Variants in KCNN4 observed in about 807,000 individuals in gnomAD.
KCNN4 encodes potassium calcium-activated channel subfamily N member 4.
Under a neutral mutation model 45.2 loss-of-function variants are expected in KCNN4, and 31 were observed. The ratio of observed to expected loss-of-function variants is 0.69; its 90% CI spans 0.52 to 0.92. The LOEUF is 0.92. KCNN4 is among the 40% of genes least tolerant of loss of function. The probability of loss-of-function intolerance (pLI) is 0.00; values close to 1 mark genes in which losing one functional copy is unlikely to be tolerated. For synonymous variants in KCNN4, 231 were observed against 254.6 expected (o/e 0.91, Z 0.88); for missense variants, 463 against 574.0 (o/e 0.81, Z 1.98).
At position 43,776,567 on chromosome 19, in the gene KCNN4, C is replaced by T. The variant is rs78552213; in HGVS notation, c.229G>A (p.Val77Met). Residue 77 changes from valine (V) to methionine (M), a missense_variant, in exon 2 of 9, where the codon GTG becomes ATG. Val to Met is a conservative substitution (Grantham distance 21). Around this residue, in one of 3 missense-constraint regions of KCNN4, gnomAD observed 225 missense variants for 240.9 expected, o/e 0.93. Coordinates refer to ENST00000648319, the MANE Select transcript of KCNN4 (RefSeq NM_002250.3). ...TGGACCTCTTTGGCATGAAAGGCCA[C>T]GATGAGGCAGAGGAGTAAGAAGGTG... Reference protein sequence around the residue: ...ISTFLLLCLIVAFHAKEVQLF... With the variant: ...ISTFLLLCLIMAFHAKEVQLF... 6.3e-4 allele frequency: 1,013 copies of T among 1,613,644 alleles called. 8 individuals carry two copies. In the African/African-American group the frequency reaches 0.012, roughly 19 times the overall value.
At chr19:43,776,500 G>A (rs199991112) in intron 2 of KCNN4, 41 bp downstream of exon 2, 6 of 1,332,946 alleles carry the variant, frequency 4.5e-6, no homozygotes, top group South Asian at 1.2e-5. Flanking sequence ...GGCGCTGAGG[G>A]GGTTGGAGGG....
chr19:43,768,490 C>T (rs530686314), intron 7 of KCNN4, among the ~76,000 whole-genome samples: 47 of 152,326 alleles, frequency 3.1e-4, no homozygotes, highest in Non-Finnish European at 4.4e-4. Flanking sequence ...CTTGCATGGA[C>T]GTCCCTGTTG....
At chr19:43,767,283 G>T in intron 8 of KCNN4, 194 bp from the exon 9 acceptor site, 1 of 490,810 alleles carries the variant, frequency 2.0e-6, no homozygotes, top group South Asian at 2.8e-5. Context: ...ATGTGCCCAG[G>T]ACAGGCAGAG....
At chr19:43,770,066 A>C (rs1328436587) in intron 4 of KCNN4, among the ~76,000 whole-genome samples, 1 of 152,158 alleles carries the variant, frequency 6.6e-6, no homozygotes, top group East Asian at 1.9e-4. Context: ...TCTTGAATGA[A>C]GGATAGGATT....
In KCNN4 at chr19:43,768,975, C is replaced by T. The variant is rs763848287; in HGVS notation, c.1107G>A (p.Val369=). Residue 369 remains valine (V), a synonymous_variant, in exon 7 of 9, where the codon GTG becomes GTA. Coordinates refer to ENST00000648319, the MANE Select transcript of KCNN4 (RefSeq NM_002250.3). ...RKLREQVNSM[V]DISKMHMILY... ...GGGATCCTAGTACCTTGGAGATGTC[C>T]ACCATGGAGTTCACTTGTTCCCGGA... 2 of 1,614,174 alleles carry T rather than the reference C, an allele frequency of 1.2e-6. No homozygotes were observed. Among genetic ancestry groups the T allele is most frequent in the Non-Finnish European group, 8.5e-7 (1 of 1,180,030 alleles).
chr19:43,774,676 C>CGCAGGTCA lies in KCNN4; in HGVS notation c.256-58_256-57insTGACCTGC. The CGCAGGTCA allele has an allele frequency of 7.1e-7, 1 of 1,405,168 alleles. No individual in the cohort carries two copies. The highest frequency in any genetic ancestry group is 9.3e-7 in the Non-Finnish European group (1 of 1,079,508). The allele number at this position is 1,405,168 out of a possible 1,614,324, so 87.0% of individuals were successfully genotyped here. ...AGGAGCAGGTCAGGCGCAGGTCAGG[C>CGCAGGTCA]GGCGGCCCGCGCCTGCCTGCGCCCT... is the stretch of plus-strand genomic sequence containing the variant. On this transcript the variant is annotated intron_variant, in intron 2 of 8. Coordinates refer to ENST00000648319, the MANE Select transcript of KCNN4 (RefSeq NM_002250.3). The surrounding 1 kb of genome is among the most constrained non-coding windows in gnomAD (Gnocchi z 5.6).
intron 3 of KCNN4, among the ~76,000 whole-genome samples, chr19:43,773,573 T>G (rs1483133529): frequency 6.6e-6 from 1 of 152,174 alleles, no homozygotes; most frequent in Non-Finnish European, 1.5e-5. Flanking sequence ...AGTTCCCAGG[T>G]GATGCTGCTG....
chr19:43,771,796 C>A (rs1969651369), intron 4 of KCNN4, among the ~76,000 whole-genome samples: 1 of 152,140 alleles, frequency 6.6e-6, no homozygotes, highest in African/African-American at 2.4e-5. Context: ...AGTGATCCTC[C>A]CACCTTGGCC....
chr19:43,776,879 C>T, intron 1 of KCNN4: 1 of 446,320 alleles, frequency 2.2e-6, no homozygotes, highest in Non-Finnish European at 4.1e-6. Flanking sequence ...AGGTGGATCA[C>T]CGAAGGTCGG....
At chr19:43,771,386 G>A (rs1217637624) in intron 4 of KCNN4, among the ~76,000 whole-genome samples, 1 of 152,140 alleles carries the variant, frequency 6.6e-6, no homozygotes, top group East Asian at 1.9e-4. Flanking sequence ...CCCATGAGGA[G>A]CATCAGCATC....
chr19:43,769,162 A>ACT lies in KCNN4; in HGVS notation c.1050-131_1050-130insAG. ...AAGAAACAAAGTTGTCGAAGAGCTG[A>ACT]AAGAGTGGGAGGGGATGCACCCTGC... On this transcript the variant is annotated intron_variant, in intron 6 of 8. Coordinates refer to ENST00000648319, the MANE Select transcript of KCNN4 (RefSeq NM_002250.3). This position sits in a 1 kb window ranked among gnomAD's most constrained non-coding sequence, Gnocchi z 4.4. The ACT allele has an allele frequency of 9.5e-7, 1 of 1,052,668 alleles. No individual in the cohort carries two copies. The highest frequency in any genetic ancestry group is 1.9e-5 in the Admixed American group (1 of 51,558). The allele number at this position is 1,052,668 out of a possible 1,614,324, so 65.2% of individuals were successfully genotyped here.
rs1343012227 is a variant in KCNN4 at position 43,769,248 on chromosome 19, G to A, written c.1049+194C>T. The stretch of plus-strand genomic sequence containing the variant: ...GTACCCAGGTCCGCAGACACACCGA[G>A]ATATGCGGAGACAAACCAGCACAGA... On this transcript the variant is annotated intron_variant, in intron 6 of 8. Transcript: ENST00000648319. The surrounding 1 kb of genome is among the most constrained non-coding windows in gnomAD (Gnocchi z 4.4). 5 of 669,112 alleles carry A rather than the reference G, an allele frequency of 7.5e-6. No homozygotes were observed. The Admixed American group carries it at 9.9e-5, about 13-fold the overall frequency. 41.4% of individuals were successfully genotyped at this position (669,112 alleles called of 1,614,324 possible).
chr19:43,773,146 A>G (rs117947250), intron 3 of KCNN4, among the ~76,000 whole-genome samples: 923 of 152,292 alleles, frequency 6.1e-3, no homozygotes, highest in Non-Finnish European at 8.1e-3. Flanking sequence ...AAAATACAAA[A>G]ACTAGTCAGG....
intron 2 of KCNN4, among the ~76,000 whole-genome samples, chr19:43,775,046 C>T (rs1053217366): frequency 2.6e-5 from 4 of 152,216 alleles, no homozygotes; most frequent in Admixed American, 2.0e-4. Flanking sequence ...AAGCCATGGG[C>T]CGGGCGCGAT....
intron 7 of KCNN4, 115 bp from the exon 8 acceptor site, chr19:43,767,822 C>G (rs1048066451): frequency 7.8e-7 from 1 of 1,276,794 alleles, no homozygotes; most frequent in Admixed American, 1.9e-5. Context: ...CTGAGGATTA[C>G]CCTCGACAAT....
intron 2 of KCNN4, among the ~76,000 whole-genome samples, chr19:43,776,217 A>G (rs189502249): frequency 1.9e-4 from 28 of 146,890 alleles, no homozygotes; most frequent in Admixed American, 1.2e-3. Flanking sequence ...GCCATGTCGG[A>G]GCACAGAGAT....
chr19:43,767,501 C>A, intron 8 of KCNN4, 39 bp downstream of exon 8: 1 of 1,598,592 alleles, frequency 6.3e-7, no homozygotes, highest in Admixed American at 1.7e-5. Context: ...GGAACCCTTC[C>A]TCCAGGATGC....
chr19:43,777,970 C>T (rs1419807618), intron 1 of KCNN4, among the ~76,000 whole-genome samples: 2 of 152,186 alleles, frequency 1.3e-5, no homozygotes, highest in Non-Finnish European at 2.9e-5. Flanking sequence ...AACAATAGTG[C>T]TGTTGTCACC....
In KCNN4 at chr19:43,772,482, G is replaced by T. The variant is rs1365178113; in HGVS notation, c.684-347C>A. On this transcript the variant is annotated intron_variant, in intron 3 of 8. Coordinates refer to ENST00000648319, the MANE Select transcript of KCNN4 (RefSeq NM_002250.3). This position sits in a 1 kb window ranked among gnomAD's most constrained non-coding sequence, Gnocchi z 4.4. ...GTTGAGGGTGGAGAGTCGATAGGGG[G>T]CCAAAACCCAGTCAGACCCTGACTG... 6.6e-6 allele frequency among the ~76,000 whole-genome samples: 1 copy of T among 152,074 alleles called. No individual in the cohort carries two copies. The highest frequency in any genetic ancestry group is 1.5e-5 in the Non-Finnish European group (1 of 68,012).
Sources: gnomAD v4.1 joint callset for allele counts (sites outside exome capture counted in the v4.1 genomes callset) on GRCh38, gnomAD v4.1.1 for gene constraint, gnomAD v4.1.1 regional missense constraint, Gnocchi (gnomAD v3.1) non-coding constraint, MANE v1.5 for transcripts, NCBI Gene and HGNC (gene_info 2026-07-23, HGNC 2026-07-21) for gene names.